The following ANGPT1 variants were observed in gnomAD, a reference collection of about 807,000 sequenced individuals.
The protein encoded by ANGPT1 is angiopoietin 1, also known as angiopoietin-1.
A neutral mutation model predicts 62.2 loss-of-function variants in ANGPT1; 17 were observed. That is an observed-to-expected ratio of 0.27 (90% confidence interval 0.19 to 0.41). The LOEUF is 0.41. Among genes scored for constraint, ANGPT1 ranks in the 10% least tolerant of loss-of-function variants. ANGPT1 has a pLI of 1.00. For missense variants in ANGPT1, 478 were observed against 594.9 expected (o/e 0.80, Z 2.04); for synonymous variants, 199 against 198.9 (o/e 1.00, Z 0.00).
At chr8:107,308,908 A>G (rs1814785231) in intron 4 of ANGPT1, among the ~76,000 whole-genome samples, 1 of 152,044 alleles carries the variant, frequency 6.6e-6, no homozygotes, top group Non-Finnish European at 1.5e-5. Context: ...CCTTTACCCA[A>G]CCAATTTAAA....
At chr8:107,310,118 C>T (rs998888387) in intron 4 of ANGPT1, among the ~76,000 whole-genome samples, 13 of 151,698 alleles carry the variant, frequency 8.6e-5, no homozygotes, top group Non-Finnish European at 1.8e-4. Flanking sequence ...TCTTAACTAC[C>T]ATTTTTTATG....
At chr8:107,411,339 C>T (rs964778621) in intron 1 of ANGPT1, among the ~76,000 whole-genome samples, 90 of 152,114 alleles carry the variant, frequency 5.9e-4, no homozygotes, top group African/African-American at 2.0e-3. Context: ...TTTAAATAAA[C>T]ATTGTTTGTT....
At chr8:107,275,535 G>A (rs778339622) in intron 7 of ANGPT1, among the ~76,000 whole-genome samples, 1 of 152,154 alleles carries the variant, frequency 6.6e-6, no homozygotes, top group African/African-American at 2.4e-5. Flanking sequence ...ATTTGTGATT[G>A]TAAGTGAACT....
chr8:107,459,489 AAACAAC>A (rs139781448), intron 1 of ANGPT1, among the ~76,000 whole-genome samples: 66,553 of 149,848 alleles, frequency 0.44, 15,426 homozygotes, highest in Middle Eastern at 0.54. Context: ...ACTCCTTATC[AAACAAC>A]AACAACAACA....
intron 2 of ANGPT1, among the ~76,000 whole-genome samples, chr8:107,342,795 AC>A (rs1270151289): frequency 4.1e-4 from 22 of 54,078 alleles, no homozygotes; most frequent in African/African-American, 1.7e-3. Flanking sequence ...ACACACACAC[AC>A]ACACACACAC....
At chr8:107,366,881 C>T (rs1586260649) in intron 1 of ANGPT1, among the ~76,000 whole-genome samples, 1 of 152,276 alleles carries the variant, frequency 6.6e-6, no homozygotes, top group East Asian at 1.9e-4. Context: ...CTCTCTGGCT[C>T]TGTCTCTCGG....
At chr8:107,374,889 C>T (rs1323057954) in intron 1 of ANGPT1, among the ~76,000 whole-genome samples, 1 of 152,164 alleles carries the variant, frequency 6.6e-6, no homozygotes, top group African/African-American at 2.4e-5. Flanking sequence ...TGGCCAGGCG[C>T]GGTGGCTCAC....
intron 1 of ANGPT1, among the ~76,000 whole-genome samples, chr8:107,493,755 A>T (rs550368720): frequency 6.6e-6 from 1 of 150,430 alleles, no homozygotes; most frequent in South Asian, 2.2e-4. Context: ...GGACAAACAC[A>T]CATGGTCACT....
In ANGPT1 at chr8:107,497,303, G is replaced by C. The variant is rs1219874205; in HGVS notation, c.256C>G (p.Leu86Val). Residue 86 changes from leucine (L) to valine (V), a missense_variant, in exon 1 of 9, where the codon CTG (leucine) becomes GTG (valine). Around this residue, in one of 4 missense-constraint regions of ANGPT1, gnomAD observed 343 missense variants for 355.4 expected, o/e 0.97. Transcript: ENST00000517746. Reference sequence around the variant, plus strand: ...GTATAATTTTCCATCACATGTTCCAGATGTTGAAGTTTCTGGGAAGAGAAA... The same window carrying C: ...GTATAATTTTCCATCACATGTTCCACATGTTGAAGTTTCTGGGAAGAGAAA... The part of the protein sequence containing the change: ...PDFSSQKLQH[L>V]EHVMENYTQW... 1 of 1,614,220 alleles carries C rather than the reference G, an allele frequency of 6.2e-7. No homozygotes were observed. Among genetic ancestry groups the C allele is most frequent in the Admixed American group, 1.7e-5 (1 of 60,032 alleles).
chr8:107,497,692 G>T lies in ANGPT1; in HGVS notation c.-134C>A. 9.9e-7 allele frequency: 1 copy of T among 1,014,910 alleles called. No individual in the cohort carries two copies. The highest frequency in any genetic ancestry group is 1.4e-6 in the Non-Finnish European group (1 of 723,862). 62.9% of individuals were successfully genotyped at this position (1,014,910 alleles called of 1,614,324 possible). A position where few individuals can be genotyped will look rare whatever the true frequency, so the allele number is the denominator to read the frequency against. On this transcript the variant is annotated 5_prime_UTR_variant, in exon 1 of 9. Coordinates refer to ENST00000517746, the MANE Select transcript of ANGPT1 (RefSeq NM_001146.5). Reference sequence around the variant, plus strand: ...TTCCCCCTCAAAGAAAGCGTTTGAAGAAGAATCATAGAAAACTAGCCATTT... The same window carrying T: ...TTCCCCCTCAAAGAAAGCGTTTGAATAAGAATCATAGAAAACTAGCCATTT...
chr8:107,366,131 ATGT>A (rs1231684094), intron 1 of ANGPT1, among the ~76,000 whole-genome samples: 2 of 152,200 alleles, frequency 1.3e-5, no homozygotes, highest in Non-Finnish European at 2.9e-5. Context: ...ATTATTTATT[ATGT>A]TATCACTATA....
At position 107,497,244 on chromosome 8, in the gene ANGPT1, C is replaced by A. The variant is rs1256490273; in HGVS notation, c.297+18G>T. On this transcript the variant is annotated intron_variant, in intron 1 of 8. Coordinates refer to ENST00000517746, the MANE Select transcript of ANGPT1 (RefSeq NM_001146.5). ...GGAAAAAGGTCCGTGCTATTAGAAA[C>A]TGAAAGCAATCACTTACTTTTTGCA... The A allele has an allele frequency of 6.2e-7, 1 of 1,610,766 alleles. No homozygotes were observed. The highest frequency in any genetic ancestry group is 1.3e-5 in the African/African-American group (1 of 74,820).
chr8:107,493,340 C>T lies in ANGPT1; in HGVS notation c.297+3922G>A, dbSNP rs554565468. 6.6e-5 allele frequency among the ~76,000 whole-genome samples: 10 copies of T among 150,400 alleles called. 2 individuals are homozygous for T. In the South Asian group the frequency reaches 2.2e-3, roughly 33 times the overall value. On this transcript the variant is annotated intron_variant, in intron 1 of 8. Coordinates refer to ENST00000517746, the MANE Select transcript of ANGPT1 (RefSeq NM_001146.5). Reference sequence around the variant, plus strand: ...ACTGTGATGACATTTGAGAACTCAGCCTGGGAGGGTAAGTGGAGTGTGGGT... The same window carrying T: ...ACTGTGATGACATTTGAGAACTCAGTCTGGGAGGGTAAGTGGAGTGTGGGT...
chr8:107,429,212 A>G (rs112241053), intron 1 of ANGPT1, among the ~76,000 whole-genome samples: 3 of 152,332 alleles, frequency 2.0e-5, no homozygotes, highest in Admixed American at 6.5e-5. Flanking sequence ...TGCCTCTTAC[A>G]GGGCCTTGAG....
intron 1 of ANGPT1, among the ~76,000 whole-genome samples, chr8:107,379,859 A>G (rs1816600873): frequency 6.6e-6 from 1 of 152,160 alleles, no homozygotes; most frequent in African/African-American, 2.4e-5. Context: ...TTAGATTGTT[A>G]TTGTTATTTT....
At chr8:107,325,602 T>C (rs1352413997) in intron 3 of ANGPT1, among the ~76,000 whole-genome samples, 1 of 152,164 alleles carries the variant, frequency 6.6e-6, no homozygotes, top group African/African-American at 2.4e-5. Context: ...CATGCTATAG[T>C]TATAATTTGT....
chr8:107,393,842 G>T (rs1411523997), intron 1 of ANGPT1, among the ~76,000 whole-genome samples: 1 of 152,002 alleles, frequency 6.6e-6, no homozygotes, highest in Admixed American at 6.6e-5. Flanking sequence ...AAAAAATGGG[G>T]GATGAACCTG....
chr8:107,277,240 A>C (rs1813888418), intron 7 of ANGPT1, among the ~76,000 whole-genome samples: 1 of 152,164 alleles, frequency 6.6e-6, no homozygotes, highest in South Asian at 2.1e-4. Flanking sequence ...AATGAACTGT[A>C]AGGAACAAAC....
At chr8:107,275,288 T>G (rs1238792629) in intron 7 of ANGPT1, among the ~76,000 whole-genome samples, 1 of 152,122 alleles carries the variant, frequency 6.6e-6, no homozygotes, top group Non-Finnish European at 1.5e-5. Flanking sequence ...TCCTTTCTCT[T>G]AGCATCATGA....
Sources: allele counts gnomAD v4.1 joint callset (sites outside exome capture counted in the v4.1 genomes callset), GRCh38; gene constraint gnomAD v4.1.1; regional missense constraint gnomAD v4.1.1; transcripts MANE v1.5; gene names NCBI Gene and HGNC (gene_info 2026-07-23, HGNC 2026-07-21).